Variants in DHX33 observed in about 807,000 individuals in gnomAD.
The protein encoded by DHX33 is DEAH-box helicase 33.
Under a neutral mutation model 72.5 loss-of-function variants are expected in DHX33, and 42 were observed. The observed-to-expected ratio is 0.58, with a 90% CI of 0.45 to 0.75. DHX33 has a LOEUF of 0.75. Among genes scored for constraint, DHX33 ranks in the 30% least tolerant of loss-of-function variants. DHX33 has a pLI of 0.00. For missense variants in DHX33, 842 were observed against 917.5 expected (o/e 0.92, Z 1.06); for synonymous variants, 358 against 366.1 (o/e 0.98, Z 0.25).
At chr17:5,459,656 T>G (rs1434506015) in intron 4 of DHX33, among the ~76,000 whole-genome samples, 1 of 152,128 alleles carries the variant, frequency 6.6e-6, no homozygotes. Context: ...CTCAAACTCC[T>G]GAGCTCAAGC....
At chr17:5,445,992 G>A (rs918204552) in intron 11 of DHX33, among the ~76,000 whole-genome samples, 3 of 152,018 alleles carry the variant, frequency 2.0e-5, no homozygotes, top group African/African-American at 7.2e-5. Flanking sequence ...TTTTTTTTAA[G>A]AGACAGGGTC....
chr17:5,448,745 A>C, intron 11 of DHX33, 64 bp downstream of exon 11: 1 of 1,332,198 alleles, frequency 7.5e-7, no homozygotes, highest in Non-Finnish European at 1.0e-6. Context: ...AAGCAACTTC[A>C]AAATTTCTAC....
rs1376900106 is a variant in DHX33 at position 5,441,848 on chromosome 17, G to A, written c.*2357C>T. The A allele has an allele frequency of 1.3e-5, 2 of 152,086 alleles. No individual in the cohort carries two copies. The highest frequency in any genetic ancestry group is 2.9e-5 in the Non-Finnish European group (2 of 68,004). The allele number at this position is 152,086 out of a possible 1,614,324, so 9.4% of individuals were successfully genotyped here. On this transcript the variant is annotated 3_prime_UTR_variant, in exon 12 of 12. Coordinates refer to ENST00000225296, the MANE Select transcript of DHX33 (RefSeq NM_020162.4). ...AATATACATTTCCGGAAACTGTTCAGGTACTTAAGCTGGACATAAATTACC... is the reference window on the plus strand; with the variant it reads ...AATATACATTTCCGGAAACTGTTCAAGTACTTAAGCTGGACATAAATTACC...
rs555729354 is a variant in DHX33, at chr17:5,442,449, A to G, written c.*1756T>C. On this transcript the variant is annotated 3_prime_UTR_variant, in exon 12 of 12. Transcript: ENST00000225296. The stretch of plus-strand genomic sequence containing the variant: ...GAACTGGTTCAAAGTTTAAGAATTC[A>G]GTAAGATAAGGTATATAGGAGCTGT... 6.6e-5 allele frequency: 10 copies of G among 152,274 alleles called. No individual in the cohort carries two copies. The highest frequency in any genetic ancestry group is 4.6e-4 in the Admixed American group (7 of 15,302). 9.4% of individuals were successfully genotyped at this position (152,274 alleles called of 1,614,324 possible).
intron 9 of DHX33, 77 bp downstream of exon 9, chr17:5,450,730 C>G: frequency 1.9e-6 from 3 of 1,579,764 alleles, no homozygotes; most frequent in Non-Finnish European, 2.6e-6. Flanking sequence ...AATCTAGAAG[C>G]ACTGGGTAGA....
chr17:5,455,290 C>T lies in DHX33; in HGVS notation c.1036-19G>A. The T allele has an allele frequency of 6.2e-7, 1 of 1,604,034 alleles. No individual in the cohort carries two copies. Among genetic ancestry groups the T allele is most frequent in the East Asian group, 2.2e-5 (1 of 44,840 alleles). On this transcript the variant is annotated intron_variant, in intron 5 of 11. Transcript: ENST00000225296. The stretch of plus-strand genomic sequence containing the variant: ...GATAGCCCTAAAAGGAGGAAGAAAA[C>T]CAAAAAGCCGCATTGACACACGGAT...
In DHX33 at chr17:5,453,972, G is replaced by T; in HGVS notation, c.1156C>A (p.Leu386Ile). ...ACCCGCTGCACTGCTAACACCTCAA[G>T]ACCACTGTCTGGATGGAGAGTGAGC... is the stretch of plus-strand genomic sequence containing the variant. ...KAKKYNPDSG[L>I]EVLAVQRVSK... Residue 386 changes from leucine (L) to isoleucine (I), a missense_variant, in exon 7 of 12, where the codon CTT becomes ATT. Physicochemically the swap from Leu to Ile is conservative, Grantham distance 5. Coordinates refer to ENST00000225296, the MANE Select transcript of DHX33 (RefSeq NM_020162.4). The T allele has an allele frequency of 3.1e-6, 5 of 1,613,648 alleles. No individual in the cohort carries two copies. The highest frequency in any genetic ancestry group is 4.2e-6 in the Non-Finnish European group (5 of 1,179,948).
intron 8 of DHX33, 22 bp downstream of exon 8, chr17:5,453,558 C>A: frequency 6.2e-7 from 1 of 1,610,532 alleles, no homozygotes; most frequent in East Asian, 2.2e-5. Context: ...CCACCTTCTG[C>A]AAAACTGTGG....
rs1397089120 is a variant in DHX33 at position 5,441,705 on chromosome 17, T to C, written c.*2500A>G. The C allele has an allele frequency of 6.6e-6, 1 of 151,994 alleles. No individual in the cohort carries two copies. 9.4% of individuals were successfully genotyped at this position (151,994 alleles called of 1,614,324 possible). A position where few individuals can be genotyped will look rare whatever the true frequency, so the allele number is the denominator to read the frequency against. ...AAGTTAACTTTTTAAAAAAGCCCAA[T>C]AAAAAACTAAATACTGTATTAAAAC... On this transcript the variant is annotated 3_prime_UTR_variant, in exon 12 of 12. Transcript: ENST00000225296.
At position 5,454,079 on chromosome 17, in the gene DHX33, C is replaced by T. The variant is rs150490892; in HGVS notation, c.1148-99G>A. Reference sequence around the variant, plus strand: ...CACACCAGTGGTTCTTTCAGCAACACGGGGGTCCAGAAAGCCTCAAGGCTA... The same window carrying T: ...CACACCAGTGGTTCTTTCAGCAACATGGGGGTCCAGAAAGCCTCAAGGCTA... On this transcript the variant is annotated intron_variant, in intron 6 of 11. Transcript: ENST00000225296. The T allele has an allele frequency of 9.4e-4, 1,331 of 1,410,606 alleles. 9 individuals are homozygous for T. In the African/African-American group the frequency reaches 0.016, roughly 17 times the overall value. 87.4% of individuals were successfully genotyped at this position (1,410,606 alleles called of 1,614,324 possible).
rs1179515503 is a variant in DHX33, at chr17:5,453,609, G to T, written c.1367C>A (p.Thr456Asn). 1.9e-6 allele frequency: 3 copies of T among 1,614,068 alleles called. No homozygotes were observed. Among genetic ancestry groups the T allele is most frequent in the African/African-American group, 1.3e-5 (1 of 74,904 alleles). Reference sequence around the variant, plus strand: ...AGATGGCTTCGACATGAAGTCAAAGGTGAGCACATTTGGGACTTTCATTGC... The same window carrying T: ...AGATGGCTTCGACATGAAGTCAAAGTTGAGCACATTTGGGACTTTCATTGC... Reference protein sequence around the residue: ...LLAMKVPNVLTFDFMSKPSPD... With the variant: ...LLAMKVPNVLNFDFMSKPSPD... The change falls in exon 8 of 12, where the codon ACC becomes AAC. Residue 456 changes from threonine (T) to asparagine (N), a missense_variant. Transcript: ENST00000225296.
intron 2 of DHX33, among the ~76,000 whole-genome samples, chr17:5,463,062 G>A (rs557895614): frequency 4.6e-5 from 7 of 151,788 alleles, no homozygotes; most frequent in Admixed American, 1.3e-4. Flanking sequence ...CTGGGCGACC[G>A]AGCGAGACTA....
chr17:5,463,152 TACAC>T (rs962837654), intron 2 of DHX33, among the ~76,000 whole-genome samples: 1 of 151,716 alleles, frequency 6.6e-6, no homozygotes, highest in Non-Finnish European at 1.5e-5. Flanking sequence ...GTGAAATGAG[TACAC>T]ACACACACAA....
At chr17:5,452,593 C>CTGTAG (rs1162326994) in intron 8 of DHX33, among the ~76,000 whole-genome samples, 2 of 151,992 alleles carry the variant, frequency 1.3e-5, no homozygotes, top group Non-Finnish European at 2.9e-5. Flanking sequence ...TGGCTCACAC[C>CTGTAG]TGTAGTCCCA....
In DHX33 at chr17:5,453,607, A is replaced by T. The variant is rs1241547990; in HGVS notation, c.1369T>A (p.Phe457Ile). The change falls in exon 8 of 12, where the codon TTT becomes ATT. Residue 457 changes from phenylalanine (F) to isoleucine (I), a missense_variant. By Grantham distance (21) the Phe-to-Ile change is conservative. Transcript: ENST00000225296. ...LAMKVPNVLT[F>I]DFMSKPSPDH... ...GGAGATGGCTTCGACATGAAGTCAA[A>T]GGTGAGCACATTTGGGACTTTCATT... is the stretch of plus-strand genomic sequence containing the variant. 6.2e-7 allele frequency: 1 copy of T among 1,614,104 alleles called. No individual in the cohort carries two copies. The highest frequency in any genetic ancestry group is 8.5e-7 in the Non-Finnish European group (1 of 1,180,048).
In DHX33 at chr17:5,450,909, T is replaced by C. The variant is rs1432623521; in HGVS notation, c.1422A>G (p.Gln474=). The part of the protein sequence containing the change: ...SPDHIQAAIA[Q]LDLLGALEHK... ...GTTCAAGAGCACCTAACAGGTCCAG[T>C]TGGGCAATGGCCGCCTGAATGTGAT... The change falls in exon 9 of 12, where the codon CAA becomes CAG. Residue 474 remains glutamine, a synonymous_variant. Coordinates refer to ENST00000225296, the MANE Select transcript of DHX33 (RefSeq NM_020162.4). The C allele has an allele frequency of 6.8e-6, 11 of 1,614,172 alleles. No homozygotes were observed. Among genetic ancestry groups the C allele is most frequent in the African/African-American group, 1.3e-5 (1 of 75,040 alleles).
intron 6 of DHX33, 65 bp from the exon 7 acceptor site, chr17:5,454,045 A>G: frequency 3.2e-6 from 5 of 1,563,764 alleles, no homozygotes; most frequent in Middle Eastern, 1.9e-4. Context: ...CAGTGTCGAT[A>G]AAAAGAAGCA....
Position 5,444,333 on chromosome 17 carries a change from C to A in DHX33, c.1996G>T (p.Val666Phe), listed in dbSNP as rs1164587024. ...GTGTAGAGCAGCTCAGTGTACACGA[C>A]GCAGGCCGGCTTGCAGTGGAAGAGG... ...SVLFHCKPAC[V>F]VYTELLYTNK... Residue 666 changes from valine (V) to phenylalanine (F), a missense_variant, in exon 12 of 12, where the codon GTC becomes TTC. Transcript: ENST00000225296. This position sits in a 1 kb window ranked among gnomAD's most constrained non-coding sequence, Gnocchi z 4.9. 6.2e-7 allele frequency: 1 copy of A among 1,614,074 alleles called. No individual in the cohort carries two copies. The highest frequency in any genetic ancestry group is 8.5e-7 in the Non-Finnish European group (1 of 1,180,048).
intron 3 of DHX33, among the ~76,000 whole-genome samples, chr17:5,462,094 C>A (rs536930567): frequency 6.6e-6 from 1 of 150,928 alleles, no homozygotes; most frequent in South Asian, 2.1e-4. Context: ...TGTGTGCCAC[C>A]ACACCCAGCT....
Sources: gnomAD v4.1 joint callset for allele counts (sites outside exome capture counted in the v4.1 genomes callset) on GRCh38, gnomAD v4.1.1 for gene constraint, Gnocchi (gnomAD v3.1) non-coding constraint, MANE v1.5 for transcripts, NCBI Gene and HGNC (gene_info 2026-07-23, HGNC 2026-07-21) for gene names.